Variants in NDC1 observed in about 807,000 individuals in gnomAD.
The protein encoded by NDC1 is nucleoporin NDC1.
Under a neutral mutation model 89.8 loss-of-function variants are expected in NDC1, and 24 were observed. The observed-to-expected ratio is 0.27, with a 90% confidence interval of 0.19 to 0.38. The LOEUF (loss-of-function observed/expected upper bound fraction) is 0.38, where lower values mean the gene tolerates loss of function less well. NDC1 is among the 10% of genes least tolerant of loss of function. The pLI is 1.00. For synonymous variants in NDC1, 296 were observed against 284.8 expected (o/e 1.04, Z -0.39); for missense variants, 728 against 797.6 (o/e 0.91, Z 1.05).
chr1:53,788,692 G>A (rs577233728), intron 15 of NDC1, among the ~76,000 whole-genome samples: 15 of 152,154 alleles, frequency 9.9e-5, no homozygotes, highest in Admixed American at 9.2e-4. Flanking sequence ...CTCCCAAAGT[G>A]CTGGGATTAC....
At chr1:53,785,912 T>C (rs139222554) in intron 16 of NDC1, among the ~76,000 whole-genome samples, 31 of 151,662 alleles carry the variant, frequency 2.0e-4, no homozygotes, top group African/African-American at 4.1e-4. Flanking sequence ...TTTATTCATT[T>C]ATTTATTTAT....
intron 5 of NDC1, among the ~76,000 whole-genome samples, chr1:53,824,002 C>G (rs1648756219): frequency 6.6e-6 from 1 of 151,574 alleles, no homozygotes. Flanking sequence ...TGCCTGTATT[C>G]TGAGGTGGGT....
chr1:53,809,017 C>A (rs867437033), intron 7 of NDC1, among the ~76,000 whole-genome samples: 4 of 152,178 alleles, frequency 2.6e-5, no homozygotes, highest in Non-Finnish European at 4.4e-5. Flanking sequence ...CCTTTATGTG[C>A]AAAGTGCATA....
intron 6 of NDC1, among the ~76,000 whole-genome samples, chr1:53,815,656 C>T (rs1648451678): frequency 6.6e-6 from 1 of 152,180 alleles, no homozygotes; most frequent in African/African-American, 2.4e-5. Context: ...AAAAGGAAGT[C>T]AAACTGTCAC....
At chr1:53,828,633 C>T (rs1031773511) in intron 3 of NDC1, among the ~76,000 whole-genome samples, 2 of 151,034 alleles carry the variant, frequency 1.3e-5, no homozygotes, top group South Asian at 2.1e-4. Context: ...ATTTTTGAGA[C>T]GGAGTTTCGC....
chr1:53,820,488 T>C (rs1336092622), intron 5 of NDC1, among the ~76,000 whole-genome samples: 4 of 151,878 alleles, frequency 2.6e-5, no homozygotes, highest in African/African-American at 9.7e-5. Flanking sequence ...TATACATACG[T>C]AACAAACCTG....
chr1:53,816,906 A>G (rs893859539), intron 6 of NDC1, among the ~76,000 whole-genome samples: 3 of 152,226 alleles, frequency 2.0e-5, no homozygotes, highest in Admixed American at 6.5e-5. Context: ...AATATCACTA[A>G]TGATCAGGGA....
At chr1:53,824,986 C>A (rs1648797454) in intron 5 of NDC1, among the ~76,000 whole-genome samples, 2 of 152,100 alleles carry the variant, frequency 1.3e-5, no homozygotes, top group Admixed American at 1.3e-4. Context: ...CCAGCCTGGG[C>A]AACATGGAGA....
Position 53,767,808 on chromosome 1 carries a change from C to A in NDC1, c.*162G>T. 1 of 448,068 alleles carries A rather than the reference C, an allele frequency of 2.2e-6. No individual in the cohort carries two copies. The highest frequency in any genetic ancestry group is 2.0e-5 in the African/African-American group (1 of 49,502). The allele number at this position is 448,068 out of a possible 1,614,324, so 27.8% of individuals were successfully genotyped here. On this transcript the variant is annotated 3_prime_UTR_variant, in exon 18 of 18. Transcript: ENST00000371429. The stretch of plus-strand genomic sequence containing the variant: ...TTTTCAGTTATTCTGTTGAGAATTT[C>A]TTTCCATGATTTCTCCCATTAAAGT...
chr1:53,826,024 A>G (rs1267208158), intron 4 of NDC1, 88 bp from the exon 5 acceptor site: 1 of 1,304,336 alleles, frequency 7.7e-7, no homozygotes, highest in East Asian at 2.5e-5. Context: ...GCAAAGCTTA[A>G]TTACTTTAAT....
At chr1:53,791,642 C>T (rs1647509388) in intron 14 of NDC1, among the ~76,000 whole-genome samples, 1 of 152,148 alleles carries the variant, frequency 6.6e-6, no homozygotes, top group Non-Finnish European at 1.5e-5. Context: ...CATTTTTTAA[C>T]ATCAAATAGC....
intron 14 of NDC1, among the ~76,000 whole-genome samples, chr1:53,790,719 AAACAACAAC>A (rs373166493): frequency 4.6e-5 from 7 of 152,170 alleles, no homozygotes; most frequent in African/African-American, 1.4e-4. Context: ...ATAAATAAAT[AAACAACAAC>A]AACAACAACA....
intron 17 of NDC1, among the ~76,000 whole-genome samples, chr1:53,769,644 G>A (rs1647095981): frequency 1.3e-5 from 2 of 152,176 alleles, no homozygotes; most frequent in African/African-American, 4.8e-5. Flanking sequence ...TTTATACCTA[G>A]TTCTCAGAGG....
At chr1:53,792,067 C>G (rs772187106) in intron 14 of NDC1, among the ~76,000 whole-genome samples, 1 of 151,994 alleles carries the variant, frequency 6.6e-6, no homozygotes, top group Non-Finnish European at 1.5e-5. Context: ...CTCAGCCTCC[C>G]GAGTAGCTGG....
intron 5 of NDC1, among the ~76,000 whole-genome samples, chr1:53,825,564 G>A (rs1019799447): frequency 6.6e-6 from 1 of 152,140 alleles, no homozygotes; most frequent in African/African-American, 2.4e-5. Flanking sequence ...AAACAGTGTA[G>A]CAAAGAGGTA....
chr1:53,769,260 A>AG (rs750684645), intron 17 of NDC1, among the ~76,000 whole-genome samples: 1 of 152,222 alleles, frequency 6.6e-6, no homozygotes, highest in Non-Finnish European at 1.5e-5. Context: ...GGGAGGTGGC[A>AG]GGGAATGGGG....
At chr1:53,789,392 T>C (rs1224424852) in intron 14 of NDC1, among the ~76,000 whole-genome samples, 196 bp from the exon 15 acceptor site, 1 of 152,254 alleles carries the variant, frequency 6.6e-6, no homozygotes, top group Non-Finnish European at 1.5e-5. Flanking sequence ...CATCAACTCA[T>C]TGTGTGGCCC....
chr1:53,800,950 T>G (rs1647892278), intron 10 of NDC1, 102 bp from the exon 11 acceptor site: 12 of 1,105,184 alleles, frequency 1.1e-5, no homozygotes, highest in Non-Finnish European at 1.5e-5. Context: ...ATGCTTGGCA[T>G]CAGGACCCAC....
intron 11 of NDC1, among the ~76,000 whole-genome samples, chr1:53,800,040 A>T (rs1167722620): frequency 2.6e-5 from 4 of 152,192 alleles, no homozygotes. Flanking sequence ...GTCTGCAAAA[A>T]TTCACCTGGC....
Sources: gnomAD v4.1 joint callset for allele counts (sites outside exome capture counted in the v4.1 genomes callset) on GRCh38, gnomAD v4.1.1 for gene constraint, MANE v1.5 for transcripts, NCBI Gene and HGNC (gene_info 2026-07-23, HGNC 2026-07-21) for gene names.